Variants in MSI2 observed in about 807,000 individuals in gnomAD.
MSI2 encodes RNA-binding protein Musashi homolog 2.
MSI2 carries 17 observed loss-of-function variants against 45.6 expected under a neutral mutation model. The observed-to-expected ratio is 0.37, with a 90% confidence interval of 0.26 to 0.56. The LOEUF (loss-of-function observed/expected upper bound fraction) is 0.56, where lower values mean the gene tolerates loss of function less well. Among genes scored for constraint, MSI2 ranks in the 20% least tolerant of loss-of-function variants. The pLI, the probability that MSI2 is intolerant of heterozygous loss-of-function variation, is 0.77. For synonymous variants in MSI2, 156 were observed against 158.2 expected (o/e 0.99, Z 0.11); for missense variants, 293 against 444.2 (o/e 0.66, Z 3.06).
chr17:57,575,533 C>T (rs547494805), intron 7 of MSI2, among the ~76,000 whole-genome samples: 28 of 152,290 alleles, frequency 1.8e-4, no homozygotes, highest in African/African-American at 6.7e-4. Context: ...TTGGCCAGGC[C>T]TGAGGACCCC....
At chr17:57,623,324 G>A (rs568857742) in intron 9 of MSI2, among the ~76,000 whole-genome samples, 43 of 152,198 alleles carry the variant, frequency 2.8e-4, no homozygotes, top group African/African-American at 9.4e-4. Flanking sequence ...GGTGGGAGCC[G>A]TTTTCCATGA....
chr17:57,589,274 G>GCCA (rs2144410274), intron 7 of MSI2, among the ~76,000 whole-genome samples: 1 of 152,332 alleles, frequency 6.6e-6, no homozygotes, highest in African/African-American at 2.4e-5. Flanking sequence ...CAACATGGCA[G>GCCA]CCAGTAATCA....
At chr17:57,464,722 G>A (rs976626051) in intron 6 of MSI2, among the ~76,000 whole-genome samples, 5 of 152,196 alleles carry the variant, frequency 3.3e-5, no homozygotes, top group African/African-American at 1.2e-4. Context: ...AGAGTTCCTG[G>A]TAGGCCACTC....
chr17:57,490,527 G>A (rs545161633), intron 6 of MSI2, among the ~76,000 whole-genome samples: 1 of 152,342 alleles, frequency 6.6e-6, no homozygotes, highest in Admixed American at 6.5e-5. Flanking sequence ...CTGTTGTCCA[G>A]GAAGGGCTTG....
At position 57,588,856 on chromosome 17, in the gene MSI2, T is replaced by C. The variant is rs1328136625; in HGVS notation, c.455-8012T>C. 2.6e-5 allele frequency among the ~76,000 whole-genome samples: 4 copies of C among 152,052 alleles called. 1 individual carries two copies. In the South Asian group the frequency reaches 8.3e-4, roughly 32 times the overall value. ...ACAGTCTGCCTTCATATGAAGAAGG[T>C]GGGCTGCAGGGGAGAGAACACAGGG... is the stretch of plus-strand genomic sequence containing the variant. On this transcript the variant is annotated intron_variant, in intron 7 of 13. Coordinates refer to ENST00000284073, the MANE Select transcript of MSI2 (RefSeq NM_138962.4).
intron 6 of MSI2, among the ~76,000 whole-genome samples, chr17:57,415,104 C>G (rs562572156): frequency 6.6e-6 from 1 of 152,250 alleles, no homozygotes; most frequent in South Asian, 2.1e-4. Flanking sequence ...AGCGTTGACT[C>G]ATCTAGGCTC....
Position 57,445,744 on chromosome 17 carries a change from A to G in MSI2, c.405+44273A>G, listed in dbSNP as rs111511282. Among the ~76,000 whole-genome samples the G allele has an allele frequency of 9.8e-5, 15 of 152,302 alleles. 1 individual carries two copies. Among genetic ancestry groups the G allele is most frequent in the African/African-American group, 3.1e-4 (13 of 41,574 alleles). ...ACATGCAACTAGTTTTTGTGAATTC[A>G]TACCGAGTACTTACCAGTGTTCCCC... On this transcript the variant is annotated intron_variant, in intron 6 of 13. Transcript: ENST00000284073.
chr17:57,309,204 T>A (rs1333013292), intron 5 of MSI2, among the ~76,000 whole-genome samples: 1 of 152,208 alleles, frequency 6.6e-6, no homozygotes, highest in Non-Finnish European at 1.5e-5. Context: ...GTTCTATAGA[T>A]CATCTATTCT....
chr17:57,602,698 G>C (rs1906040871), intron 8 of MSI2, among the ~76,000 whole-genome samples: 1 of 152,176 alleles, frequency 6.6e-6, no homozygotes. Context: ...CCTTTAAGGT[G>C]ATAGGATTTA....
At chr17:57,581,608 G>C (rs2088208732) in intron 7 of MSI2, among the ~76,000 whole-genome samples, 2 of 152,162 alleles carry the variant, frequency 1.3e-5, no homozygotes, top group Non-Finnish European at 2.9e-5. Flanking sequence ...TGTCTCGTGA[G>C]TTTCTCCCAG....
chr17:57,631,523 A>G, intron 10 of MSI2: 1 of 410,890 alleles, frequency 2.4e-6, no homozygotes, highest in Non-Finnish European at 4.3e-6. Flanking sequence ...GTCAGAATAA[A>G]TGTTCCTAGA....
chr17:57,533,031 G>A (rs376186652), intron 7 of MSI2, among the ~76,000 whole-genome samples: 2 of 152,188 alleles, frequency 1.3e-5, no homozygotes, highest in African/African-American at 4.8e-5. Flanking sequence ...CGTCAGGTGG[G>A]CCAGGCTCCC....
intron 5 of MSI2, among the ~76,000 whole-genome samples, chr17:57,376,357 G>GAACCCTATCCCGGTCTGGA (rs2083496517): frequency 1.3e-5 from 2 of 152,208 alleles, no homozygotes; most frequent in African/African-American, 4.8e-5. Flanking sequence ...GCAGGTCTGG[G>GAACCCTATCCCGGTCTGGA]AACCCTATCC....
At chr17:57,555,573 T>A (rs1056946210) in intron 7 of MSI2, among the ~76,000 whole-genome samples, 1 of 152,126 alleles carries the variant, frequency 6.6e-6, no homozygotes, top group African/African-American at 2.4e-5. Flanking sequence ...CTCCTGAGGG[T>A]CCTCAGATGG....
chr17:57,637,859 C>T (rs76062087), intron 10 of MSI2, among the ~76,000 whole-genome samples: 2,271 of 152,328 alleles, frequency 0.015, 63 homozygotes, highest in African/African-American at 0.053. Flanking sequence ...CCCCACACCT[C>T]GTCCTCTGTG....
At chr17:57,586,672 C>G (rs1362029749) in intron 7 of MSI2, among the ~76,000 whole-genome samples, 1 of 152,166 alleles carries the variant, frequency 6.6e-6, no homozygotes, top group Non-Finnish European at 1.5e-5. Context: ...TGGGAGAAAA[C>G]AGCTTTGTCT....
chr17:57,575,630 C>T (rs925177029), intron 7 of MSI2, among the ~76,000 whole-genome samples: 4 of 152,260 alleles, frequency 2.6e-5, no homozygotes, highest in African/African-American at 2.4e-5. Context: ...TTCCACTCCC[C>T]CTGGCCCAGG....
At chr17:57,456,024 G>A (rs2085107381) in intron 6 of MSI2, among the ~76,000 whole-genome samples, 1 of 152,194 alleles carries the variant, frequency 6.6e-6, no homozygotes, top group Admixed American at 6.5e-5. Context: ...TAGACCAGAC[G>A]CCCCGCAGAG....
At position 57,401,436 on chromosome 17, in the gene MSI2, G is replaced by A. The variant is rs2083988557; in HGVS notation, c.370G>A (p.Glu124Lys). ...VGGLSANTVVEDVKQYFEQFG... is the reference protein window; with the variant it reads ...VGGLSANTVVKDVKQYFEQFG... ...CGGGTTATCTGCGAACACAGTAGTG[G>A]AAGATGTAAAGCAATATTTCGAGCA... Residue 124 changes from glutamate (E) to lysine (K), a missense_variant, in exon 6 of 14, where the codon GAA (glutamate) becomes AAA (lysine). Glu to Lys is a moderately conservative substitution (Grantham distance 56). Transcript: ENST00000284073. 2 of 1,614,068 alleles carry A rather than the reference G, an allele frequency of 1.2e-6. No individual in the cohort carries two copies. Among genetic ancestry groups the A allele is most frequent in the Non-Finnish European group, 1.7e-6 (2 of 1,180,030 alleles).
Sources: gnomAD v4.1 joint callset for allele counts (sites outside exome capture counted in the v4.1 genomes callset) on GRCh38, gnomAD v4.1.1 for gene constraint, MANE v1.5 for transcripts, NCBI Gene and HGNC (gene_info 2026-07-23, HGNC 2026-07-21) for gene names.